The following MNAT1 variants were observed in gnomAD, a reference collection of about 807,000 sequenced individuals.
The protein encoded by MNAT1 is CDK-activating kinase assembly factor MAT1.
MNAT1 carries 43 observed loss-of-function variants against 42.0 expected under a neutral mutation model. That is an observed-to-expected ratio of 1.02 (90% confidence interval 0.80 to 1.32). MNAT1 has a LOEUF of 1.32. Among genes scored for constraint, MNAT1 ranks in the 40% most tolerant of loss-of-function variants. The pLI is 0.00. For synonymous variants in MNAT1, 118 were observed against 120.0 expected (o/e 0.98, Z 0.11); for missense variants, 306 against 350.4 (o/e 0.87, Z 1.01).
At chr14:60,953,683 A>G (rs1022249304) in intron 7 of MNAT1, among the ~76,000 whole-genome samples, 1 of 152,058 alleles carries the variant, frequency 6.6e-6, no homozygotes. Flanking sequence ...TCTGTTTTTA[A>G]TTTTTTGAGG....
chr14:60,866,129 A>G (rs1387581904), intron 6 of MNAT1, among the ~76,000 whole-genome samples: 4 of 152,118 alleles, frequency 2.6e-5, no homozygotes, highest in Non-Finnish European at 4.4e-5. Flanking sequence ...TCCAAGGTAA[A>G]GAAAAATTTT....
chr14:60,958,950 A>G (rs182428221), intron 7 of MNAT1, among the ~76,000 whole-genome samples: 3 of 151,568 alleles, frequency 2.0e-5, no homozygotes, highest in Non-Finnish European at 4.4e-5. Flanking sequence ...ACAAGGTCTT[A>G]CTCTGTTACT....
At chr14:60,916,180 G>T (rs949261643) in intron 7 of MNAT1, among the ~76,000 whole-genome samples, 2 of 152,142 alleles carry the variant, frequency 1.3e-5, no homozygotes, top group Non-Finnish European at 2.9e-5. Context: ...TTGTTGCTTT[G>T]AAAGGTGGTT....
At chr14:60,793,159 A>G (rs2140323660) in intron 1 of MNAT1, among the ~76,000 whole-genome samples, 1 of 150,674 alleles carries the variant, frequency 6.6e-6, no homozygotes. Flanking sequence ...GTGTGCCACC[A>G]TGCCCGGCTA....
At chr14:60,791,792 G>T (rs2031828134) in intron 1 of MNAT1, among the ~76,000 whole-genome samples, 1 of 151,964 alleles carries the variant, frequency 6.6e-6, no homozygotes, top group Non-Finnish European at 1.5e-5. Context: ...ACAAATATCT[G>T]GGCTTTAAGA....
At chr14:60,949,469 CTT>C (rs2139602113) in intron 7 of MNAT1, among the ~76,000 whole-genome samples, 1 of 152,108 alleles carries the variant, frequency 6.6e-6, no homozygotes, top group African/African-American at 2.4e-5. Flanking sequence ...TAAAATTTAA[CTT>C]TTAAAACTTA....
chr14:60,793,215 G>GT (rs978972366), intron 1 of MNAT1, among the ~76,000 whole-genome samples: 2 of 151,426 alleles, frequency 1.3e-5, no homozygotes, highest in African/African-American at 2.4e-5. Context: ...TTGTTTGTTT[G>GT]TTTTTTTGTA....
chr14:60,936,532 A>G (rs1164031197), intron 7 of MNAT1, among the ~76,000 whole-genome samples: 2 of 151,930 alleles, frequency 1.3e-5, no homozygotes, highest in Non-Finnish European at 2.9e-5. Flanking sequence ...AGCTTCATCC[A>G]TGTCCCTACA....
intron 6 of MNAT1, among the ~76,000 whole-genome samples, chr14:60,855,568 C>G (rs2033937010): frequency 6.6e-6 from 1 of 152,176 alleles, no homozygotes; most frequent in African/African-American, 2.4e-5. Flanking sequence ...GGTCCCCCAG[C>G]TCCTTGCACT....
At chr14:60,880,601 A>G (rs1248276030) in intron 7 of MNAT1, among the ~76,000 whole-genome samples, 1 of 152,198 alleles carries the variant, frequency 6.6e-6, no homozygotes, top group Non-Finnish European at 1.5e-5. Flanking sequence ...CTAAAAAGCA[A>G]TAGAAAAAGT....
chr14:60,792,741 GATAAA>G (rs1179766557), intron 1 of MNAT1, among the ~76,000 whole-genome samples: 3 of 152,210 alleles, frequency 2.0e-5, no homozygotes, highest in African/African-American at 7.2e-5. Context: ...GAATATTCTT[GATAAA>G]ATAAAATCTG....
intron 7 of MNAT1, among the ~76,000 whole-genome samples, chr14:60,913,982 G>C (rs1387372477): frequency 6.6e-6 from 1 of 152,240 alleles, no homozygotes; most frequent in Non-Finnish European, 1.5e-5. Flanking sequence ...CGCAGTTCGA[G>C]CTTCCTGGCT....
chr14:60,811,963 G>T, intron 4 of MNAT1, 24 bp from the exon 5 acceptor site: 2 of 1,539,502 alleles, frequency 1.3e-6, no homozygotes, highest in Non-Finnish European at 1.7e-6. Context: ...TTTATTCCAC[G>T]CCATATATAA....
intron 7 of MNAT1, among the ~76,000 whole-genome samples, chr14:60,918,247 C>T (rs1277798897): frequency 2.0e-5 from 2 of 99,028 alleles, no homozygotes; most frequent in Non-Finnish European, 3.6e-5. Context: ...CTCGGTCTGT[C>T]GCCCAGGCTG....
chr14:60,885,774 T>A (rs887972410), intron 7 of MNAT1, among the ~76,000 whole-genome samples: 2 of 152,090 alleles, frequency 1.3e-5, no homozygotes, highest in Non-Finnish European at 2.9e-5. Context: ...TAGTTTGATG[T>A]AGCTCTATTT....
intron 1 of MNAT1, among the ~76,000 whole-genome samples, chr14:60,792,391 T>G (rs187344473): frequency 8.5e-5 from 13 of 152,276 alleles, no homozygotes; most frequent in Non-Finnish European, 8.8e-5. Context: ...GGAAATTTTT[T>G]AAAAAATAAT....
intron 7 of MNAT1, among the ~76,000 whole-genome samples, chr14:60,890,469 T>C (rs2034812901): frequency 6.6e-6 from 1 of 152,142 alleles, no homozygotes; most frequent in Non-Finnish European, 1.5e-5. Flanking sequence ...GAAGGGGAGT[T>C]TATTACGGAG....
At chr14:60,884,997 C>T (rs1219306451) in intron 7 of MNAT1, among the ~76,000 whole-genome samples, 1 of 151,928 alleles carries the variant, frequency 6.6e-6, no homozygotes, top group African/African-American at 2.4e-5. Flanking sequence ...AAGCTTTTTC[C>T]TTCATGCCAG....
At chr14:60,843,953 A>C (rs1333317464) in intron 6 of MNAT1, among the ~76,000 whole-genome samples, 1 of 151,982 alleles carries the variant, frequency 6.6e-6, no homozygotes, top group Admixed American at 6.6e-5. Context: ...TCTTGTATTA[A>C]TTTTTATGTA....
Sources: allele counts gnomAD v4.1 joint callset (sites outside exome capture counted in the v4.1 genomes callset), GRCh38; gene constraint gnomAD v4.1.1; transcripts MANE v1.5; gene names NCBI Gene and HGNC (gene_info 2026-07-23, HGNC 2026-07-21).